Variants in DNAH11 observed in about 807,000 individuals in gnomAD.
The protein encoded by DNAH11 is axonemal beta dynein heavy chain 11.
DNAH11 carries 442 observed loss-of-function variants against 526.0 expected under a neutral mutation model. That is an observed-to-expected ratio of 0.84 (90% confidence interval 0.78 to 0.91). The LOEUF (loss-of-function observed/expected upper bound fraction) is 0.91. Ranked by LOEUF, DNAH11 falls within the 40% of genes least tolerant of loss-of-function variation. The probability of loss-of-function intolerance (pLI) is 0.00; values close to 1 mark genes in which losing one functional copy is unlikely to be tolerated. For synonymous variants in DNAH11, 2,461 were observed against 1,935.9 expected (o/e 1.27, Z -7.12); for missense variants, 6,989 against 5,448.7 (o/e 1.28, Z -8.90).
At chr7:21,884,241 G>A (rs745500044) in intron 75 of DNAH11, 50 bp from the exon 76 acceptor site, 2 of 1,525,502 alleles carry the variant, frequency 1.3e-6, no homozygotes, top group Non-Finnish European at 1.8e-6. Flanking sequence ...TGGCTACTCT[G>A]AGGCAGACTC....
intron 1 of DNAH11, 105 bp from the exon 2 acceptor site, chr7:21,544,901 C>G (rs1486135772): frequency 2.1e-6 from 2 of 937,892 alleles, no homozygotes; most frequent in East Asian, 2.8e-5. Flanking sequence ...GGCAAGATGC[C>G]AGGTTTTGTT....
intron 18 of DNAH11, 105 bp from the exon 19 acceptor site, chr7:21,606,321 T>G: frequency 1.0e-6 from 1 of 977,876 alleles, no homozygotes; most frequent in Non-Finnish European, 1.5e-6. Context: ...AGACCTTGTC[T>G]CAAGAGAAAA....
At position 21,725,888 on chromosome 7, in the gene DNAH11, A is replaced by G. The variant is rs1272761778; in HGVS notation, c.7344A>G (p.Thr2448=). ...MKAVKFPSQG[T]IFDYYVDHKT... is the part of the protein sequence containing the mutation. ...CAGTGAAATTTCCGTCGCAGGGAAC[A>G]ATCTTTGATTATTATGTGGACCACA... The change falls in exon 45 of 82, where the codon ACA becomes ACG. Residue 2448 remains threonine, a synonymous_variant. Transcript: ENST00000409508. 2 of 1,605,694 alleles carry G rather than the reference A, an allele frequency of 1.2e-6. No homozygotes were observed. Among genetic ancestry groups the G allele is most frequent in the Admixed American group, 1.7e-5 (1 of 58,960 alleles).
chr7:21,893,306 G>A (rs779254545), intron 77 of DNAH11, among the ~76,000 whole-genome samples: 7 of 152,184 alleles, frequency 4.6e-5, no homozygotes, highest in Admixed American at 6.5e-5. Context: ...CCAGCAGTGC[G>A]TGTGAGTTCC....
At chr7:21,758,469 G>A (rs148693482) in intron 54 of DNAH11, among the ~76,000 whole-genome samples, 10 of 152,158 alleles carry the variant, frequency 6.6e-5, no homozygotes, top group African/African-American at 1.2e-4. Flanking sequence ...CTGAGTGCCC[G>A]TGATGTGCTG....
In DNAH11 at chr7:21,617,719, A is replaced by G. The variant is rs1179982754; in HGVS notation, c.4196A>G (p.Glu1399Gly). ...DMTASLRAIT[E>G]LQSPALRDRH... ...ACAGCCTCCCTGAGGGCCATCACAG[A>G]GTTACAGAGCCCTGCCCTCAGGGAC... The change falls in exon 23 of 82, where the codon GAG (glutamate) becomes GGG (glycine). Residue 1399 changes from glutamate (E) to glycine (G), a missense_variant. Transcript: ENST00000409508. 20 of 1,613,400 alleles carry G rather than the reference A, an allele frequency of 1.2e-5. No homozygotes were observed. The highest frequency in any genetic ancestry group is 1.5e-5 in the Non-Finnish European group (18 of 1,179,678).
chr7:21,594,648 G>C (rs750719420), intron 14 of DNAH11, among the ~76,000 whole-genome samples: 32 of 152,188 alleles, frequency 2.1e-4, no homozygotes, highest in Admixed American at 3.9e-4. Flanking sequence ...AGTCAGCCAA[G>C]TGGGCCTTTG....
In DNAH11 at chr7:21,687,186, C is replaced by T; in HGVS notation, c.5709C>T (p.Thr1903=). ...GPAGTGKTET[T]KDLGRALGMM... ...CTGGTACCGGGAAAACAGAGACCACCAAAGACCTAGGACGTGCCCTTGGCA... is the reference window on the plus strand; with the variant it reads ...CTGGTACCGGGAAAACAGAGACCACTAAAGACCTAGGACGTGCCCTTGGCA... Residue 1903 remains threonine (T), a synonymous_variant, in exon 33 of 82, where the codon ACC becomes ACT. Transcript: ENST00000409508. 6.2e-7 allele frequency: 1 copy of T among 1,612,292 alleles called. No homozygotes were observed. Among genetic ancestry groups the T allele is most frequent in the Non-Finnish European group, 8.5e-7 (1 of 1,179,120 alleles).
At chr7:21,543,877 T>C (rs1782699979) in intron 1 of DNAH11, 1 of 470,244 alleles carries the variant, frequency 2.1e-6, no homozygotes, top group African/African-American at 2.0e-5. Flanking sequence ...CAGCGCTTTC[T>C]TTAGCTGCTT....
At chr7:21,724,677 AAACACTGGGCCAG>A (rs1785011593) in intron 44 of DNAH11, among the ~76,000 whole-genome samples, 123 of 138,406 alleles carry the variant, frequency 8.9e-4, no homozygotes, top group East Asian at 1.2e-3. Flanking sequence ...TGAATATAGG[AAACACTGGGCCAG>A]GTCATCTGTG....
chr7:21,593,877 C>T (rs1784775325), intron 14 of DNAH11, among the ~76,000 whole-genome samples: 1 of 152,000 alleles, frequency 6.6e-6, no homozygotes, highest in African/African-American at 2.4e-5. Flanking sequence ...CAGACCCCCT[C>T]CCCTGCCCCT....
intron 58 of DNAH11, 132 bp from the exon 59 acceptor site, chr7:21,786,492 G>T (rs997634748): frequency 7.5e-6 from 9 of 1,207,626 alleles, no homozygotes; most frequent in Non-Finnish European, 9.0e-6. Flanking sequence ...AGGTGGCAAA[G>T]AATTGCCAAA....
At chr7:21,655,686 A>T in intron 28 of DNAH11, 146 bp from the exon 29 acceptor site, 1 of 800,218 alleles carries the variant, frequency 1.2e-6, no homozygotes, top group Non-Finnish European at 1.9e-6. Context: ...CTCATATTTT[A>T]GAAGTGACTT....
intron 18 of DNAH11, among the ~76,000 whole-genome samples, chr7:21,604,279 C>G (rs971500735): frequency 6.6e-6 from 1 of 152,160 alleles, no homozygotes; most frequent in Non-Finnish European, 1.5e-5. Flanking sequence ...TCTTTTGCCT[C>G]TTTTCACTGC....
At position 21,615,102 on chromosome 7, in the gene DNAH11, T is replaced by A. The variant is rs727502966; in HGVS notation, c.3853-12T>A. 2.5e-6 allele frequency: 4 copies of A among 1,600,952 alleles called. No homozygotes were observed. Among genetic ancestry groups the A allele is most frequent in the Non-Finnish European group, 3.4e-6 (4 of 1,175,640 alleles). ...GGCAGTTTGTATGCAGGTGTTTATG[T>A]TCTCTCCTTAGGCAAATGAAGAGCT... On this transcript the variant is annotated splice_polypyrimidine_tract_variant and intron_variant, in intron 20 of 81. Coordinates refer to ENST00000409508, the MANE Select transcript of DNAH11 (RefSeq NM_001277115.2).
chr7:21,866,509 G>T lies in DNAH11; in HGVS notation c.11536G>T (p.Asp3846Tyr). Residue 3846 changes from aspartate to tyrosine, a missense_variant, in exon 71 of 82, where the codon GAT becomes TAT. Asp to Tyr is a radical substitution (Grantham distance 160, BLOSUM62 -3). Coordinates refer to ENST00000409508, the MANE Select transcript of DNAH11 (RefSeq NM_001277115.2). ...VMEEFRGIDR[D>Y]VEGSAKQWRK... is the part of the protein sequence containing the mutation. ...GGAAGAATTTCGAGGCATAGACCGA[G>T]ATGTGGAAGGATCTGCCAAGCAGTG... The T allele has an allele frequency of 4.3e-6, 7 of 1,613,576 alleles. No individual in the cohort carries two copies. The highest frequency in any genetic ancestry group is 5.1e-6 in the Non-Finnish European group (6 of 1,179,790).
intron 43 of DNAH11, among the ~76,000 whole-genome samples, chr7:21,719,872 G>T (rs886984366): frequency 5.9e-5 from 9 of 152,148 alleles, no homozygotes; most frequent in African/African-American, 1.9e-4. Context: ...GAGTTTTTAG[G>T]ATCTGTAACA....
chr7:21,618,994 C>A, intron 23 of DNAH11, 106 bp from the exon 24 acceptor site: 10 of 1,429,884 alleles, frequency 7.0e-6, no homozygotes, highest in Non-Finnish European at 9.7e-6. Flanking sequence ...GTACTCAGCA[C>A]CTGACTTGAG....
At chr7:21,843,651 T>C (rs1782304148) in intron 66 of DNAH11, among the ~76,000 whole-genome samples, 1 of 151,888 alleles carries the variant, frequency 6.6e-6, no homozygotes. Context: ...CAGCTAATTT[T>C]TGTATTTTTA....
Sources: allele counts gnomAD v4.1 joint callset (sites outside exome capture counted in the v4.1 genomes callset), GRCh38; gene constraint gnomAD v4.1.1; transcripts MANE v1.5; gene names NCBI Gene and HGNC (gene_info 2026-07-23, HGNC 2026-07-21).